COL5A3: variants seen among roughly 807,000 people sequenced by gnomAD.
COL5A3 encodes the protein collagen alpha-3(V) chain.
COL5A3 carries 172 observed loss-of-function variants against 250.0 expected under a neutral mutation model. The observed-to-expected ratio is 0.69, with a 90% CI of 0.61 to 0.78. The LOEUF (loss-of-function observed/expected upper bound fraction) is 0.78. COL5A3 is among the 30% of genes least tolerant of loss of function. The probability of loss-of-function intolerance (pLI) is 0.00; values close to 1 mark genes in which losing one functional copy is unlikely to be tolerated. For missense variants in COL5A3, 2,340 were observed against 2,334.4 expected, an observed-to-expected ratio of 1.00 and a Z score of -0.05; for synonymous variants, 937 against 900.4, an observed-to-expected ratio of 1.04 and a Z score of -0.73.
In COL5A3 at chr19:9,977,602, C is replaced by G. The variant is rs757118810; in HGVS notation, c.3118G>C (p.Gly1040Arg). ...ATGGGCAAGTCACTTACCCGGGACC[C>G]CTTCTTGCCTGCAGGGCCAACGGGG... The part of the protein sequence containing the change: ...EGPVGPAGKK[G>R]SRGERGPPGP... Residue 1040 changes from glycine to arginine, a missense_variant, in exon 42 of 67, where the codon GGG becomes CGG. Gly to Arg is a moderately radical substitution (Grantham distance 125). Transcript: ENST00000264828. 3 of 1,589,138 alleles carry G rather than the reference C, an allele frequency of 1.9e-6. No individual in the cohort carries two copies. Among genetic ancestry groups the G allele is most frequent in the South Asian group, 2.3e-5 (2 of 87,030 alleles).
rs1453851406 is a variant in COL5A3 at position 9,970,023 on chromosome 19, G to GT, written c.3937-102dup. On this transcript the variant is annotated intron_variant, in intron 54 of 66. Coordinates refer to ENST00000264828, the MANE Select transcript of COL5A3 (RefSeq NM_015719.4). ...GGGGGGTTATGGATGAGTGGGGTCT[G>GT]TAAGGTGAGTGGGGTCTGTGGGGTG... The GT allele has an allele frequency of 5.2e-6, 4 of 769,174 alleles. No individual in the cohort carries two copies. In the African/African-American group the frequency reaches 8.6e-5, roughly 17 times the overall value. The allele number at this position is 769,174 out of a possible 1,614,324, so 47.6% of individuals were successfully genotyped here.
In COL5A3 at chr19:9,966,718, C is replaced by T. The variant is rs752303045; in HGVS notation, c.4487G>A (p.Arg1496His). The T allele has an allele frequency of 1.3e-6, 2 of 1,536,842 alleles. No individual in the cohort carries two copies. Among genetic ancestry groups the T allele is most frequent in the Non-Finnish European group, 1.7e-6 (2 of 1,147,102 alleles). ...PGAPAELHGL[R>H]RRRRFVPVPL... is the part of the protein sequence containing the mutation. The stretch of plus-strand genomic sequence containing the variant: ...GACTGGGACGAAGCGCCGGCGCCTG[C>T]GCAGCCCATGCAGCTCGGCAGGGGC... Residue 1496 changes from arginine (R) to histidine (H), a missense_variant, in exon 63 of 67, where the codon CGC (arginine) becomes CAC (histidine). Arg to His is a conservative substitution (Grantham distance 29). Coordinates refer to ENST00000264828, the MANE Select transcript of COL5A3 (RefSeq NM_015719.4).
intron 8 of COL5A3, among the ~76,000 whole-genome samples, chr19:10,000,955 G>A (rs1231448136): frequency 6.6e-6 from 1 of 152,082 alleles, no homozygotes; most frequent in Non-Finnish European, 1.5e-5. Context: ...GAGGGTGGGA[G>A]GAGGGAGAGG....
intron 39 of COL5A3, 40 bp from the exon 40 acceptor site, chr19:9,979,020 G>C: frequency 6.7e-7 from 1 of 1,503,390 alleles, no homozygotes; most frequent in East Asian, 2.3e-5. Flanking sequence ...CTCCAGGGAG[G>C]GGATGTCTCC....
chr19:9,991,986 A>G lies in COL5A3; in HGVS notation c.1893+18T>C. ...GAGTGTCAGAAGGGTCAGAGGTCAA[A>G]GGGCACAGGGCACATACCACATTGC... On this transcript the variant is annotated intron_variant, in intron 22 of 66. Transcript: ENST00000264828. 2.5e-6 allele frequency: 4 copies of G among 1,609,252 alleles called. No individual in the cohort carries two copies. The highest frequency in any genetic ancestry group is 2.6e-6 in the Non-Finnish European group (3 of 1,175,756).
At chr19:9,983,590 AAGAAAGAAAGAGAAAG>A (rs1568418804) in intron 31 of COL5A3, among the ~76,000 whole-genome samples, 45 of 75,646 alleles carry the variant, frequency 5.9e-4, no homozygotes, top group African/African-American at 9.0e-4. Flanking sequence ...GAAAGAAAGA[AAGAAAGAAAGAGAAAG>A]AGAGAGAGAG....
chr19:9,969,898 C>T lies in COL5A3; in HGVS notation c.3961G>A (p.Glu1321Lys). The part of the protein sequence containing the change: ...KRGPSGHMGR[E>K]GREGEKGAKG... ...GCACCTTTCTCCCCTTCTCTGCCTT[C>T]TCGACCCATGTGGCCTGAAGGACCC... The change falls in exon 55 of 67, where the codon GAA (glutamate) becomes AAA (lysine). Residue 1321 changes from glutamate (E) to lysine (K), a missense_variant. Glu to Lys is a moderately conservative substitution (Grantham distance 56). Around this residue, in one of 3 missense-constraint regions of COL5A3, gnomAD observed 1,179 missense variants for 1,162.6 expected, o/e 1.01. Transcript: ENST00000264828. 6.2e-7 allele frequency: 1 copy of T among 1,613,182 alleles called. No homozygotes were observed. Among genetic ancestry groups the T allele is most frequent in the South Asian group, 1.1e-5 (1 of 91,030 alleles).
intron 51 of COL5A3, among the ~76,000 whole-genome samples, chr19:9,971,861 C>A (rs1225161323): frequency 1.4e-5 from 2 of 146,738 alleles, no homozygotes; most frequent in Non-Finnish European, 3.0e-5. Flanking sequence ...GTTTATGTTT[C>A]ATTCACACAT....
Position 9,960,529 on chromosome 19 carries a change from A to T in COL5A3, c.5120T>A (p.Phe1707Tyr), listed in dbSNP as rs1479545905. The stretch of plus-strand genomic sequence containing the variant: ...TCCCGCTCGAGAAGAGCTGAATTCG[A>T]AAAGGGTCTTCGTCTGTCCTTTCCG... ...RLRKGQTKTL[F>Y]EFSSSRAGFL... The change falls in exon 67 of 67, where the codon TTC (phenylalanine) becomes TAC (tyrosine). Residue 1707 changes from phenylalanine (F) to tyrosine (Y), a missense_variant. This residue lies in a region of COL5A3 where 1,179 missense variants were observed against 1,162.6 expected (regional missense o/e 1.01). Coordinates refer to ENST00000264828, the MANE Select transcript of COL5A3 (RefSeq NM_015719.4). The T allele has an allele frequency of 6.2e-7, 1 of 1,614,172 alleles. No homozygotes were observed. The highest frequency in any genetic ancestry group is 8.5e-7 in the Non-Finnish European group (1 of 1,180,044).
chr19:9,980,994 C>T, intron 33 of COL5A3, 94 bp downstream of exon 33: 1 of 1,528,224 alleles, frequency 6.5e-7, no homozygotes, highest in South Asian at 1.1e-5. Context: ...AACCCAAACC[C>T]TTTCCCTGCC....
rs1420475132 is a variant in COL5A3, at chr19:9,997,991, C to T, written c.1193G>A (p.Gly398Glu). 1.2e-6 allele frequency: 2 copies of T among 1,614,060 alleles called. No individual in the cohort carries two copies. Among genetic ancestry groups the T allele is most frequent in the African/African-American group, 1.3e-5 (1 of 75,024 alleles). ...AACACAGCCATGACTTACTTGGGGT[C>T]CTGGGGCTCCTGGAGGTCCCTCAAA... ...QQFEGPPGAP[G>E]PQGVVGPSGP... Residue 398 changes from glycine to glutamate, a missense_variant, in exon 10 of 67, where the codon GGA (glycine) becomes GAA (glutamate). By Grantham distance (98) the Gly-to-Glu change is moderately conservative (BLOSUM62 -2). Around this residue, in one of 3 missense-constraint regions of COL5A3, gnomAD observed 1,152 missense variants for 1,146.3 expected, o/e 1.00. Coordinates refer to ENST00000264828, the MANE Select transcript of COL5A3 (RefSeq NM_015719.4).
Position 10,010,311 on chromosome 19 carries a change from C to T in COL5A3, c.75G>A (p.Pro25=), listed in dbSNP as rs973420268. The change falls in exon 1 of 67, where the codon CCG becomes CCA. Residue 25 remains proline (P), a synonymous_variant. Transcript: ENST00000264828. ...CTCCCGGCTCACCGGCCTGCGTCCC[C>T]GGCAGAAGCTGCAGCGCGGCCAGGA... is the stretch of plus-strand genomic sequence containing the variant. ...CLLLAALQLL[P]GTQADPVDVL... 3.5e-5 allele frequency: 51 copies of T among 1,455,544 alleles called. No individual in the cohort carries two copies. Among genetic ancestry groups the T allele is most frequent in the African/African-American group, 7.3e-5 (5 of 68,064 alleles). The allele number at this position is 1,455,544 out of a possible 1,614,324, so 90.2% of individuals were successfully genotyped here. A position where few individuals can be genotyped will look rare whatever the true frequency, so the allele number is the denominator to read the frequency against.
intron 10 of COL5A3, 77 bp from the exon 11 acceptor site, chr19:9,997,510 C>G (rs1248736027): frequency 6.3e-6 from 6 of 946,654 alleles, no homozygotes; most frequent in Admixed American, 2.3e-5. Context: ...ACCACTGACT[C>G]TAACCTCAGG....
Position 9,973,647 on chromosome 19 carries a change from G to T in COL5A3, c.3613-24C>A, listed in dbSNP as rs768114042. 3 of 1,612,024 alleles carry T rather than the reference G, an allele frequency of 1.9e-6. No homozygotes were observed. The East Asian group carries it at 6.7e-5, about 36-fold the overall frequency. On this transcript the variant is annotated intron_variant, in intron 49 of 66. Transcript: ENST00000264828. ...CCCTGCAGGAGGCAAAGTGAGAGTG[G>T]GGAGAGGTCCCATCCTAGCAGACAG...
chr19:10,000,682 C>G (rs1280580788), intron 8 of COL5A3, among the ~76,000 whole-genome samples: 2 of 151,848 alleles, frequency 1.3e-5, no homozygotes, highest in Non-Finnish European at 2.9e-5. Flanking sequence ...GAGTAAAAGC[C>G]AAGCGCCTCT....
At chr19:9,963,010 G>T in intron 64 of COL5A3, 123 bp from the exon 65 acceptor site, 1 of 726,884 alleles carries the variant, frequency 1.4e-6, no homozygotes, top group Non-Finnish European at 2.3e-6. Context: ...TGGCTTCTGG[G>T]ATGGACGAGC....
intron 6 of COL5A3, 116 bp from the exon 7 acceptor site, chr19:10,001,997 T>A (rs2087370729): frequency 1.1e-5 from 8 of 702,316 alleles, no homozygotes. Flanking sequence ...CAGAGGAGGC[T>A]CCCCAAAGAG....
rs770087837 is a variant in COL5A3, at chr19:9,985,924, G to A, written c.2353-29C>T. On this transcript the variant is annotated intron_variant, in intron 30 of 66. Transcript: ENST00000264828. The stretch of plus-strand genomic sequence containing the variant: ...CAGAAAGGTTATGGGACAAAGGTCA[G>A]AAATTGCAACCTGGAGGTCAGAGGC... The A allele has an allele frequency of 1.2e-6, 2 of 1,611,932 alleles. 1 individual carries two copies. Among genetic ancestry groups the A allele is most frequent in the South Asian group, 2.2e-5 (2 of 91,030 alleles).
At chr19:9,963,523 C>T (rs1039835607) in intron 64 of COL5A3, among the ~76,000 whole-genome samples, 1 of 124,666 alleles carries the variant, frequency 8.0e-6, no homozygotes. Flanking sequence ...TCCTAAGTAG[C>T]TGGGATAATA....
Sources: gnomAD v4.1 joint callset for allele counts (sites outside exome capture counted in the v4.1 genomes callset) on GRCh38, gnomAD v4.1.1 for gene constraint, gnomAD v4.1.1 regional missense constraint, MANE v1.5 for transcripts, NCBI Gene and HGNC (gene_info 2026-07-23, HGNC 2026-07-21) for gene names.